Variants in RBFOX1 observed in about 807,000 individuals in gnomAD.
RBFOX1 encodes RNA binding fox-1 homolog 1.
In RBFOX1, 8 loss-of-function variants were observed where a neutral mutation model predicts 57.7. The ratio of observed to expected loss-of-function variants is 0.14; its 90% CI spans 0.08 to 0.25. The LOEUF (loss-of-function observed/expected upper bound fraction) is 0.25. Ranked by LOEUF, RBFOX1 falls within the 10% of genes least tolerant of loss-of-function variation. The pLI, the probability that RBFOX1 is intolerant of heterozygous loss-of-function variation, is 1.00. For missense variants in RBFOX1, 611 were observed against 548.5 expected, an observed-to-expected ratio of 1.11 and a Z score of -1.14; for synonymous variants, 326 against 222.4, an observed-to-expected ratio of 1.47 and a Z score of -4.15.
intron 4 of RBFOX1, among the ~76,000 whole-genome samples, chr16:7,352,537 C>T (rs1041917968): frequency 4.6e-5 from 7 of 152,002 alleles, no homozygotes; most frequent in South Asian, 2.1e-4. Context: ...TTTGGTCAGT[C>T]CTTTTGTTCT....
intron 4 of RBFOX1, among the ~76,000 whole-genome samples, chr16:7,391,268 G>C (rs187182313): frequency 6.6e-6 from 1 of 152,312 alleles, no homozygotes; most frequent in African/African-American, 2.4e-5. Context: ...AGCATTTGCT[G>C]ATGTCCCTCT....
At chr16:7,226,698 G>A (rs1232326112) in intron 4 of RBFOX1, among the ~76,000 whole-genome samples, 1 of 152,208 alleles carries the variant, frequency 6.6e-6, no homozygotes, top group East Asian at 1.9e-4. Flanking sequence ...AAAAAGTACT[G>A]TAGAGGAGTT....
chr16:5,378,618 T>C (rs9923531), intron 1 of RBFOX1, among the ~76,000 whole-genome samples: 25,976 of 151,298 alleles, frequency 0.17, 4,900 homozygotes, highest in African/African-American at 0.45. Context: ...CATGTTAACA[T>C]GAGAATGGCC....
intron 4 of RBFOX1, among the ~76,000 whole-genome samples, chr16:7,360,821 C>A (rs191079293): frequency 6.6e-6 from 1 of 152,326 alleles, no homozygotes; most frequent in East Asian, 1.9e-4. Flanking sequence ...ATTAATTAGG[C>A]TTGTACATTC....
At chr16:7,169,313 C>G (rs907361890) in intron 4 of RBFOX1, among the ~76,000 whole-genome samples, 2 of 152,138 alleles carry the variant, frequency 1.3e-5, no homozygotes, top group East Asian at 1.9e-4. Flanking sequence ...TTACTAAAAG[C>G]TTTGCATATA....
intron 1 of RBFOX1, among the ~76,000 whole-genome samples, chr16:6,188,004 G>T (rs2097116366): frequency 6.6e-6 from 1 of 152,178 alleles, no homozygotes; most frequent in African/African-American, 2.4e-5. Flanking sequence ...CACATGTGCT[G>T]TGTGTATGTA....
intron 4 of RBFOX1, among the ~76,000 whole-genome samples, chr16:7,343,563 C>G (rs1440519362): frequency 6.6e-6 from 1 of 152,162 alleles, no homozygotes; most frequent in Non-Finnish European, 1.5e-5. Context: ...CCAACTGGGA[C>G]TTTTCAGATT....
At chr16:6,224,536 A>G (rs1326932574) in intron 1 of RBFOX1, among the ~76,000 whole-genome samples, 2 of 152,160 alleles carry the variant, frequency 1.3e-5, no homozygotes, top group Non-Finnish European at 2.9e-5. Flanking sequence ...AGAACAAAAA[A>G]GCCCTATTTT....
chr16:5,270,337 C>G, intron 1 of RBFOX1: 1 of 849,728 alleles, frequency 1.2e-6, no homozygotes, highest in Non-Finnish European at 1.9e-6. Flanking sequence ...CCCGAGGAAC[C>G]CAAATTGCAT....
At chr16:7,313,150 G>A (rs1407002403) in intron 4 of RBFOX1, among the ~76,000 whole-genome samples, 3 of 152,280 alleles carry the variant, frequency 2.0e-5, no homozygotes, top group East Asian at 1.9e-4. Context: ...ACACAAAAGC[G>A]CCTCCTGAAA....
intron 3 of RBFOX1, among the ~76,000 whole-genome samples, chr16:6,670,709 T>A (rs1423881619): frequency 6.6e-6 from 1 of 152,100 alleles, no homozygotes; most frequent in Non-Finnish European, 1.5e-5. Flanking sequence ...AAAACTGGTT[T>A]CCTTATGGCC....
At chr16:6,865,289 C>T (rs1007275489) in intron 3 of RBFOX1, among the ~76,000 whole-genome samples, 2 of 152,054 alleles carry the variant, frequency 1.3e-5, no homozygotes, top group Non-Finnish European at 2.9e-5. Flanking sequence ...AGACGTGAGC[C>T]ACCGTGCCCG....
intron 3 of RBFOX1, among the ~76,000 whole-genome samples, chr16:5,694,919 G>A (rs2050801788): frequency 6.6e-6 from 1 of 151,874 alleles, no homozygotes; most frequent in Admixed American, 6.6e-5. Flanking sequence ...GATATAAGAT[G>A]TCTGTTAAGT....
chr16:6,640,213 TTTA>T (rs1192903319), intron 2 of RBFOX1, among the ~76,000 whole-genome samples: 2 of 152,204 alleles, frequency 1.3e-5, no homozygotes, highest in Non-Finnish European at 2.9e-5. Flanking sequence ...GGTGAATTAT[TTTA>T]TTATCTTAGT....
At chr16:7,219,532 G>T (rs1239032350) in intron 4 of RBFOX1, among the ~76,000 whole-genome samples, 1 of 152,136 alleles carries the variant, frequency 6.6e-6, no homozygotes, top group African/African-American at 2.4e-5. Context: ...ATGTGCAAGA[G>T]GAAACAAATA....
At chr16:5,904,908 C>T (rs57351515) in intron 4 of RBFOX1, among the ~76,000 whole-genome samples, 7 of 140,666 alleles carry the variant, frequency 5.0e-5, no homozygotes, top group South Asian at 2.4e-4. Flanking sequence ...ACCCGGGAGG[C>T]GGAGCTTGCA....
At chr16:5,886,391 A>G (rs528821764) in intron 4 of RBFOX1, among the ~76,000 whole-genome samples, 1 of 152,338 alleles carries the variant, frequency 6.6e-6, no homozygotes, top group African/African-American at 2.4e-5. Flanking sequence ...AATATTAGTT[A>G]TTACCAATCT....
chr16:7,507,565 CTT>C (rs3030308), intron 4 of RBFOX1, among the ~76,000 whole-genome samples: 4 of 132,550 alleles, frequency 3.0e-5, no homozygotes, highest in African/African-American at 1.1e-4. Context: ...TTCTTTCTTT[CTT>C]TTTTTTTTTT....
In RBFOX1 at chr16:7,224,451, A is replaced by G. The variant is rs578010359; in HGVS notation, c.27+172353A>G. On this transcript the variant is annotated intron_variant, in intron 4 of 15. Coordinates refer to ENST00000550418, the MANE Select transcript of RBFOX1 (RefSeq NM_018723.4). ...GCCCCATACCAAGCATCACCAGCCC[A>G]GTGCTTCTCAGTCTTGGCTGCAAAT... Among the ~76,000 whole-genome samples the G allele has an allele frequency of 4.6e-5, 7 of 152,280 alleles. No homozygotes were observed. In the South Asian group the frequency reaches 8.3e-4, roughly 18 times the overall value.
Sources: gnomAD v4.1 joint callset for allele counts (sites outside exome capture counted in the v4.1 genomes callset) on GRCh38, gnomAD v4.1.1 for gene constraint, MANE v1.5 for transcripts, NCBI Gene and HGNC (gene_info 2026-07-23, HGNC 2026-07-21) for gene names.